Variants in CACHD1 observed in about 807,000 individuals in gnomAD.
CACHD1 encodes cache domain containing 1.
A neutral mutation model predicts 138.7 loss-of-function variants in CACHD1; 71 were observed. That is an observed-to-expected ratio of 0.51 (90% CI 0.42 to 0.62). CACHD1 has a LOEUF of 0.62. Among genes scored for constraint, CACHD1 ranks in the 20% least tolerant of loss-of-function variants. The pLI is 0.00. For synonymous variants in CACHD1, 578 were observed against 591.5 expected (o/e 0.98, Z 0.33); for missense variants, 1,389 against 1,625.3 (o/e 0.85, Z 2.50).
chr1:64,670,119 C>G (rs953191638), intron 16 of CACHD1, among the ~76,000 whole-genome samples: 103 of 152,256 alleles, frequency 6.8e-4, no homozygotes, highest in African/African-American at 2.4e-3. Context: ...ATGGTATATG[C>G]TTTGGAGTTG....
At chr1:64,524,515 C>A (rs1236010486) in intron 1 of CACHD1, among the ~76,000 whole-genome samples, 1 of 152,108 alleles carries the variant, frequency 6.6e-6, no homozygotes, top group Non-Finnish European at 1.5e-5. Flanking sequence ...TTTTCCTAAC[C>A]AGGGATATAG....
At chr1:64,489,691 T>G (rs1646262894) in intron 1 of CACHD1, among the ~76,000 whole-genome samples, 1 of 152,212 alleles carries the variant, frequency 6.6e-6, no homozygotes, top group Admixed American at 6.5e-5. Context: ...GCACAATGCC[T>G]GATGCCAGAG....
At chr1:64,653,517 C>A (rs1464696549) in intron 10 of CACHD1, among the ~76,000 whole-genome samples, 1 of 151,460 alleles carries the variant, frequency 6.6e-6, no homozygotes, top group Non-Finnish European at 1.5e-5. Context: ...ACAAAACAAC[C>A]AATACCTCCA....
rs765601391 is a variant in CACHD1, at chr1:64,647,888, C to A, written c.1244C>A (p.Ala415Asp). 1.9e-6 allele frequency: 3 copies of A among 1,614,060 alleles called. No individual in the cohort carries two copies. The highest frequency in any genetic ancestry group is 2.2e-5 in the East Asian group (1 of 44,872). ...SGKYGVPDRM[A>D]LPVIKGSMMV... Reference sequence around the variant, plus strand: ...AAGTACGGTGTGCCAGACCGGATGGCCTTGCCTGTGATTAAGGGCAGCATG... The same window carrying A: ...AAGTACGGTGTGCCAGACCGGATGGACTTGCCTGTGATTAAGGGCAGCATG... Residue 415 changes from alanine to aspartate, a missense_variant, in exon 9 of 27, where the codon GCC (alanine) becomes GAC (aspartate). Ala to Asp is a moderately radical substitution (Grantham distance 126). Around this residue, in one of 5 missense-constraint regions of CACHD1, gnomAD observed 1,000 missense variants for 1,114.7 expected, o/e 0.90. Transcript: ENST00000651257.
At chr1:64,595,088 G>A (rs1193620377) in intron 3 of CACHD1, among the ~76,000 whole-genome samples, 1 of 152,064 alleles carries the variant, frequency 6.6e-6, no homozygotes, top group African/African-American at 2.4e-5. Context: ...TTCCCTCCTC[G>A]GTGCATGTGT....
intron 4 of CACHD1, among the ~76,000 whole-genome samples, chr1:64,614,038 C>A (rs1324277928): frequency 6.6e-6 from 1 of 152,224 alleles, no homozygotes; most frequent in African/African-American, 2.4e-5. Flanking sequence ...ATTCTGGTTA[C>A]ACTGGGAATT....
At chr1:64,477,178 G>A (rs1646178708) in intron 1 of CACHD1, among the ~76,000 whole-genome samples, 1 of 152,206 alleles carries the variant, frequency 6.6e-6, no homozygotes, top group Admixed American at 6.5e-5. Context: ...GGTAGGAGCA[G>A]TCAATAAACA....
rs574650005 is a variant in CACHD1 at position 64,504,828 on chromosome 1, A to G, written c.198+33886A>G. ...AACCCTTTTACAAAGCCGGCAGTGT[A>G]GTGCTATCTATGCCTATCTGATTGA... On this transcript the variant is annotated intron_variant, in intron 1 of 26. Coordinates refer to ENST00000651257, the MANE Select transcript of CACHD1 (RefSeq NM_020925.4). Among the ~76,000 whole-genome samples the G allele has an allele frequency of 6.9e-4, 105 of 152,232 alleles. 1 individual carries two copies. The South Asian group carries it at 0.021, about 31-fold the overall frequency.
chr1:64,605,012 G>A lies in CACHD1; in HGVS notation c.517+2100G>A, dbSNP rs184811034. Among the ~76,000 whole-genome samples, 32 of 149,690 alleles carry A rather than the reference G, an allele frequency of 2.1e-4. No homozygotes were observed. In the East Asian group the frequency reaches 6.2e-3, roughly 29 times the overall value. ...GACAGAGTCTTGCTCTGTCACCCAGGCTGGAGTGCAGTGATGCAGTCTTGG... is the reference window on the plus strand; with the variant it reads ...GACAGAGTCTTGCTCTGTCACCCAGACTGGAGTGCAGTGATGCAGTCTTGG... On this transcript the variant is annotated intron_variant, in intron 4 of 26. Transcript: ENST00000651257.
At chr1:64,483,874 C>T (rs1280747384) in intron 1 of CACHD1, among the ~76,000 whole-genome samples, 1 of 146,168 alleles carries the variant, frequency 6.8e-6, no homozygotes, top group Admixed American at 6.8e-5. Flanking sequence ...TCCCCCCCCC[C>T]CTTGCATATA....
chr1:64,641,667 G>C (rs1338739796), intron 7 of CACHD1, among the ~76,000 whole-genome samples, 153 bp from the exon 8 acceptor site: 1 of 152,166 alleles, frequency 6.6e-6, no homozygotes, highest in African/African-American at 2.4e-5. Context: ...AGAAGCAGGG[G>C]GATGAAAGCC....
At chr1:64,479,927 C>G (rs1646199059) in intron 1 of CACHD1, among the ~76,000 whole-genome samples, 1 of 152,166 alleles carries the variant, frequency 6.6e-6, no homozygotes, top group Non-Finnish European at 1.5e-5. Flanking sequence ...AGCTTAGAAC[C>G]TAGAAAACTC....
At chr1:64,531,267 G>A (rs1465348959) in intron 1 of CACHD1, among the ~76,000 whole-genome samples, 3 of 152,174 alleles carry the variant, frequency 2.0e-5, no homozygotes, top group Admixed American at 2.0e-4. Flanking sequence ...TTTGGATGCA[G>A]TCCTCCTCTC....
At chr1:64,587,790 G>A (rs1647062395) in intron 3 of CACHD1, among the ~76,000 whole-genome samples, 1 of 152,064 alleles carries the variant, frequency 6.6e-6, no homozygotes, top group African/African-American at 2.4e-5. Context: ...GGAGATCCTG[G>A]GCTCTCCCAC....
At chr1:64,517,672 G>A (rs933132653) in intron 1 of CACHD1, among the ~76,000 whole-genome samples, 1 of 152,118 alleles carries the variant, frequency 6.6e-6, no homozygotes, top group Non-Finnish European at 1.5e-5. Flanking sequence ...AGGGTAAGGG[G>A]AACCTGTGGG....
chr1:64,585,410 G>A (rs1434015268), intron 3 of CACHD1, among the ~76,000 whole-genome samples: 1 of 152,116 alleles, frequency 6.6e-6, no homozygotes, highest in African/African-American at 2.4e-5. Context: ...CTGTCCTTTA[G>A]GAACTTCTCA....
intron 1 of CACHD1, among the ~76,000 whole-genome samples, chr1:64,507,200 A>C (rs1338422106): frequency 6.6e-6 from 1 of 152,064 alleles, no homozygotes; most frequent in Non-Finnish European, 1.5e-5. Flanking sequence ...CCTCCCCGGA[A>C]CCTCTCCTCA....
intron 5 of CACHD1, among the ~76,000 whole-genome samples, chr1:64,632,256 GAAAAA>G (rs55924104): frequency 0.031 from 3,977 of 129,628 alleles, 82 homozygotes; most frequent in South Asian, 0.093. Flanking sequence ...GCTTTTTTCT[GAAAAA>G]AAAAAAAAAA....
At chr1:64,666,848 C>CAAAAAAAAA (rs946649209) in intron 16 of CACHD1, among the ~76,000 whole-genome samples, 1 of 33,954 alleles carries the variant, frequency 2.9e-5, no homozygotes, top group African/African-American at 1.2e-4. Context: ...GATCCTGTCT[C>CAAAAAAAAA]AAAAAAAAAA....
Sources: gnomAD v4.1 joint callset for allele counts (sites outside exome capture counted in the v4.1 genomes callset) on GRCh38, gnomAD v4.1.1 for gene constraint, gnomAD v4.1.1 regional missense constraint, MANE v1.5 for transcripts, NCBI Gene and HGNC (gene_info 2026-07-23, HGNC 2026-07-21) for gene names.